Variants in PEBP4 observed in about 807,000 individuals in gnomAD.
PEBP4 encodes phosphatidylethanolamine-binding protein 4.
In PEBP4, 22 loss-of-function variants were observed where a neutral mutation model predicts 23.9. That is an observed-to-expected ratio of 0.92 (90% CI 0.66 to 1.31). PEBP4 has a LOEUF of 1.31. Ranked by LOEUF, PEBP4 falls within the 40% of genes most tolerant of loss-of-function variation. The probability of loss-of-function intolerance (pLI) is 0.00; values close to 1 mark genes in which losing one functional copy is unlikely to be tolerated. For synonymous variants in PEBP4, 112 were observed against 99.3 expected, an observed-to-expected ratio of 1.13 and a Z score of -0.76; for missense variants, 324 against 281.7, an observed-to-expected ratio of 1.15 and a Z score of -1.07.
chr8:22,903,915 T>A (rs1249750833), intron 3 of PEBP4, among the ~76,000 whole-genome samples: 2 of 152,192 alleles, frequency 1.3e-5, no homozygotes, highest in Non-Finnish European at 2.9e-5. Context: ...ACAGAGCCAA[T>A]GGTCAAGGCT....
intron 4 of PEBP4, among the ~76,000 whole-genome samples, chr8:22,763,949 T>G (rs1272012124): frequency 6.6e-6 from 1 of 152,210 alleles, no homozygotes; most frequent in African/African-American, 2.4e-5. Context: ...GTCCCTGCTT[T>G]CAAGAGCCCA....
At chr8:22,841,237 G>A (rs1202623482) in intron 3 of PEBP4, among the ~76,000 whole-genome samples, 3 of 152,280 alleles carry the variant, frequency 2.0e-5, no homozygotes, top group South Asian at 4.1e-4. Flanking sequence ...GCGAAGCAGC[G>A]GCTCTTAGCC....
intron 4 of PEBP4, among the ~76,000 whole-genome samples, chr8:22,790,199 T>C (rs1249635191): frequency 5.3e-5 from 8 of 152,210 alleles, no homozygotes; most frequent in Admixed American, 2.0e-4. Flanking sequence ...GATGATTCTT[T>C]CCTTCCTTCC....
chr8:22,918,808 A>G (rs551144642), intron 3 of PEBP4, among the ~76,000 whole-genome samples: 11 of 152,314 alleles, frequency 7.2e-5, no homozygotes, highest in African/African-American at 2.6e-4. Context: ...CCCAGGAGTT[A>G]GAATCAGCAG....
rs563360512 is a variant in PEBP4 at position 22,889,913 on chromosome 8, A to G, written c.258+30271T>C. Among the ~76,000 whole-genome samples, 7 of 152,300 alleles carry G rather than the reference A, an allele frequency of 4.6e-5. No individual in the cohort carries two copies. In the East Asian group the frequency reaches 1.4e-3, roughly 29 times the overall value. ...TATTGCTTAGCTGCAGAATTTATAAACTTGCTCCAAATTGATGCAATGTTC... is the reference window on the plus strand; with the variant it reads ...TATTGCTTAGCTGCAGAATTTATAAGCTTGCTCCAAATTGATGCAATGTTC... On this transcript the variant is annotated intron_variant, in intron 3 of 6. Coordinates refer to ENST00000256404, the MANE Select transcript of PEBP4 (RefSeq NM_144962.3).
rs760522782 is a variant in PEBP4, at chr8:22,713,447, A to G, written c.607T>C (p.Ser203Pro). 4 of 1,613,812 alleles carry G rather than the reference A, an allele frequency of 2.5e-6. No homozygotes were observed. Among genetic ancestry groups the G allele is most frequent in the South Asian group, 2.2e-5 (2 of 91,054 alleles). Residue 203 changes from serine (S) to proline (P), a missense_variant, in exon 7 of 7, where the codon TCA (serine) becomes CCA (proline). Physicochemically the swap from Ser to Pro is moderately conservative, Grantham distance 74. Coordinates refer to ENST00000256404, the MANE Select transcript of PEBP4 (RefSeq NM_144962.3). ...TCTCTGGGAGCCTGGAGGGTTGGTG[A>G]GTCCTGGTAGTTCTGGGTCATGAAC... ...TQFMTQNYQD[S>P]PTLQAPRERA...
intron 4 of PEBP4, among the ~76,000 whole-genome samples, chr8:22,744,166 G>C (rs939434167): frequency 2.6e-5 from 4 of 152,246 alleles, no homozygotes; most frequent in African/African-American, 9.6e-5. Context: ...AATCACTTGG[G>C]ATAAAGTGTG....
At chr8:22,774,304 G>A (rs940778635) in intron 4 of PEBP4, among the ~76,000 whole-genome samples, 3 of 151,946 alleles carry the variant, frequency 2.0e-5, no homozygotes, top group African/African-American at 4.8e-5. Context: ...CCCCATTCAC[G>A]CTAGGATGTT....
Position 22,756,280 on chromosome 8 carries a change from C to T in PEBP4, c.358-29060G>A, listed in dbSNP as rs537900405. 1.2e-4 allele frequency among the ~76,000 whole-genome samples: 19 copies of T among 152,322 alleles called. No homozygotes were observed. The East Asian group carries it at 2.7e-3, about 22-fold the overall frequency. Reference sequence around the variant, plus strand: ...CAGGACTGGGGAGGGCGGGCTTGTGCGAGAACCTCTGCCCCTGGGCTCCCA... The same window carrying T: ...CAGGACTGGGGAGGGCGGGCTTGTGTGAGAACCTCTGCCCCTGGGCTCCCA... On this transcript the variant is annotated intron_variant, in intron 4 of 6. Transcript: ENST00000256404.
At chr8:22,939,700 T>C (rs1425345673) in intron 1 of PEBP4, among the ~76,000 whole-genome samples, 3 of 151,730 alleles carry the variant, frequency 2.0e-5, no homozygotes, top group African/African-American at 7.3e-5. Flanking sequence ...CAAAGAGAGC[T>C]CCAGGGCTGG....
At chr8:22,751,607 T>TGC (rs1805263402) in intron 4 of PEBP4, among the ~76,000 whole-genome samples, 1 of 130,668 alleles carries the variant, frequency 7.7e-6, no homozygotes, top group Non-Finnish European at 1.6e-5. Context: ...TGTGTGTGTG[T>TGC]GTCTGTGTGT....
intron 4 of PEBP4, among the ~76,000 whole-genome samples, chr8:22,740,754 G>A (rs746846394): frequency 3.3e-5 from 5 of 152,172 alleles, no homozygotes; most frequent in Non-Finnish European, 5.9e-5. Flanking sequence ...CAGACAGGTT[G>A]GGTTCCTGGG....
chr8:22,940,381 T>C (rs774664721), intron 1 of PEBP4, among the ~76,000 whole-genome samples: 2 of 151,958 alleles, frequency 1.3e-5, no homozygotes, highest in Non-Finnish European at 2.9e-5. Context: ...GGCTCATAGA[T>C]AGGCACCTAG....
In PEBP4 at chr8:22,767,950, G is replaced by A. The variant is rs560995034; in HGVS notation, c.358-40730C>T. On this transcript the variant is annotated intron_variant, in intron 4 of 6. Coordinates refer to ENST00000256404, the MANE Select transcript of PEBP4 (RefSeq NM_144962.3). ...GATGGGGTTTCTCCAGGCCAGGCTG[G>A]TCTCGAACTCTTGACCTCAGGTGAT... is the stretch of plus-strand genomic sequence containing the variant. Among the ~76,000 whole-genome samples the A allele has an allele frequency of 4.0e-4, 61 of 152,212 alleles. 1 individual carries two copies. In the South Asian group the frequency reaches 0.012, roughly 31 times the overall value.
intron 4 of PEBP4, among the ~76,000 whole-genome samples, chr8:22,734,519 T>C (rs1804813783): frequency 6.6e-6 from 1 of 152,292 alleles, no homozygotes; most frequent in Admixed American, 6.5e-5. Flanking sequence ...GGCACCTTCA[T>C]GGGCAGTGGG....
chr8:22,804,959 C>T (rs2128759495), intron 4 of PEBP4, among the ~76,000 whole-genome samples: 1 of 152,250 alleles, frequency 6.6e-6, no homozygotes, highest in Admixed American at 6.5e-5. Context: ...CTGGTGAATT[C>T]CCACTCTGCT....
At chr8:22,745,555 A>C (rs773878302) in intron 4 of PEBP4, 9 of 152,182 alleles carry the variant, frequency 5.9e-5, no homozygotes, top group Non-Finnish European at 8.8e-5. Context: ...GATTCTCTTT[A>C]TCTTTCCAAT....
intron 2 of PEBP4, chr8:22,925,476 G>A: frequency 2.7e-6 from 1 of 365,036 alleles, no homozygotes; most frequent in Non-Finnish European, 3.8e-6. Context: ...TTCTTCATCT[G>A]CAGAATGGGG....
chr8:22,933,552 T>A (rs1021676321), intron 1 of PEBP4, among the ~76,000 whole-genome samples: 2 of 152,190 alleles, frequency 1.3e-5, no homozygotes, highest in Non-Finnish European at 2.9e-5. Context: ...CAATTAAGAA[T>A]TCTATGTCCA....
Sources: gnomAD v4.1 joint callset for allele counts (sites outside exome capture counted in the v4.1 genomes callset) on GRCh38, gnomAD v4.1.1 for gene constraint, MANE v1.5 for transcripts, NCBI Gene and HGNC (gene_info 2026-07-23, HGNC 2026-07-21) for gene names.